MTO1: variants seen among roughly 807,000 people sequenced by gnomAD.
MTO1 encodes the protein 5-taurinomethyluridine-[tRNA] synthase subunit MTO1, mitochondrial.
MTO1 carries 46 observed loss-of-function variants against 71.6 expected under a neutral mutation model. The observed-to-expected ratio is 0.64, with a 90% CI of 0.51 to 0.82. MTO1 has a LOEUF of 0.82. Among genes scored for constraint, MTO1 ranks in the 40% least tolerant of loss-of-function variants. The pLI is 0.00. For synonymous variants in MTO1, 297 were observed against 312.1 expected (o/e 0.95, Z 0.51); for missense variants, 773 against 867.5 (o/e 0.89, Z 1.37).
chr6:73,478,970 C>G (rs1225340361), intron 4 of MTO1, among the ~76,000 whole-genome samples: 1 of 149,330 alleles, frequency 6.7e-6, no homozygotes, highest in Non-Finnish European at 1.5e-5. Flanking sequence ...CTCACTGCAA[C>G]CTCCGCCTCC....
intron 7 of MTO1, 67 bp downstream of exon 7, chr6:73,480,872 CT>C (rs1160182083): frequency 6.7e-7 from 1 of 1,492,370 alleles, no homozygotes; most frequent in African/African-American, 1.4e-5. Context: ...CTTTTAATGT[CT>C]GTTGTGTTAA....
intron 4 of MTO1, among the ~76,000 whole-genome samples, chr6:73,475,743 C>T (rs1270522949): frequency 6.6e-6 from 1 of 151,978 alleles, no homozygotes; most frequent in African/African-American, 2.4e-5. Flanking sequence ...AGCTCCCGAC[C>T]TCAGGTGATC....
At chr6:73,480,420 A>C in intron 6 of MTO1, 1 of 617,184 alleles carries the variant, frequency 1.6e-6, no homozygotes, top group Non-Finnish European at 3.0e-6. Context: ...ACAGGCATGC[A>C]TCACCATGCC....
chr6:73,464,063 T>C (rs1770905937), intron 1 of MTO1: 1 of 152,028 alleles, frequency 6.6e-6, no homozygotes, highest in African/African-American at 2.4e-5. Context: ...TTTTAAAAAA[T>C]AAAGACCTAG....
At chr6:73,463,167 G>C (rs534783656) in intron 1 of MTO1, among the ~76,000 whole-genome samples, 23 of 152,040 alleles carry the variant, frequency 1.5e-4, no homozygotes, top group African/African-American at 5.1e-4. Flanking sequence ...GGGATTACAG[G>C]CACCCACCAC....
At chr6:73,492,119 G>T in intron 9 of MTO1, 115 bp from the exon 10 acceptor site, 26 of 572,012 alleles carry the variant, frequency 4.5e-5, no homozygotes, top group Middle Eastern at 4.2e-4. Flanking sequence ...AAAAAAAAAA[G>T]AAATAATCTT....
intron 6 of MTO1, 70 bp downstream of exon 6, chr6:73,480,196 G>C (rs1771447792): frequency 1.4e-6 from 2 of 1,439,292 alleles, no homozygotes; most frequent in Non-Finnish European, 1.9e-6. Flanking sequence ...GGAGGCCTTA[G>C]CTACAGTCAT....
chr6:73,497,157 CTT>C (rs765385743), intron 10 of MTO1, among the ~76,000 whole-genome samples: 1 of 92,706 alleles, frequency 1.1e-5, no homozygotes, highest in Non-Finnish European at 2.0e-5. Flanking sequence ...GAAGCAAATT[CTT>C]TTTTTTTTTT....
intron 4 of MTO1, among the ~76,000 whole-genome samples, chr6:73,475,339 A>C (rs1290094856): frequency 6.6e-6 from 1 of 151,596 alleles, no homozygotes; most frequent in South Asian, 2.1e-4. Context: ...CTGTGGTGCA[A>C]TGGCACGATC....
At chr6:73,486,653 G>C (rs771818735) in intron 9 of MTO1, 4 of 420,868 alleles carry the variant, frequency 9.5e-6, no homozygotes, top group Non-Finnish European at 1.9e-5. Context: ...CAGGAGAATC[G>C]TTTGAACCTG....
At chr6:73,488,999 A>C (rs1456016288) in intron 9 of MTO1, among the ~76,000 whole-genome samples, 2 of 152,254 alleles carry the variant, frequency 1.3e-5, no homozygotes, top group African/African-American at 2.4e-5. Context: ...TTTTGGTGTC[A>C]GCCAAGAAAT....
intron 9 of MTO1, among the ~76,000 whole-genome samples, chr6:73,491,541 C>G (rs1019853441): frequency 2.6e-5 from 4 of 152,138 alleles, no homozygotes; most frequent in African/African-American, 7.2e-5. Context: ...AGCAGGAGAT[C>G]ACTGTCATGG....
At position 73,508,484 on chromosome 6, in the gene MTO1, A is replaced by G. The variant is rs1448472425; in HGVS notation, c.*7749A>G. 6.6e-6 allele frequency: 1 copy of G among 152,180 alleles called. No individual in the cohort carries two copies. Among genetic ancestry groups the G allele is most frequent in the Non-Finnish European group, 1.5e-5 (1 of 68,034 alleles). The allele number at this position is 152,180 out of a possible 1,614,324, so 9.4% of individuals were successfully genotyped here. ...TCTAGAATATACTGTATTTTGACAC[A>G]AGACCAGACTGTGCTATGTGTATGT... On this transcript the variant is annotated 3_prime_UTR_variant, in exon 12 of 12. Coordinates refer to ENST00000498286, the MANE Select transcript of MTO1 (RefSeq NM_012123.4).
chr6:73,482,222 T>G lies in MTO1; in HGVS notation c.1443T>G (p.Ala481=). The change falls in exon 8 of 12, where the codon GCT becomes GCG. Residue 481 remains alanine, a synonymous_variant. Coordinates refer to ENST00000498286, the MANE Select transcript of MTO1 (RefSeq NM_012123.4). ...EFRLSLRPDN[A]DSRLTLRGYK... is the part of the protein sequence containing the mutation. ...GTTTGTCACTGCGCCCTGATAATGC[T>G]GACAGCCGGCTCACACTGCGAGGTA... 2 of 1,614,134 alleles carry G rather than the reference T, an allele frequency of 1.2e-6. No individual in the cohort carries two copies. Among genetic ancestry groups the G allele is most frequent in the Non-Finnish European group, 1.7e-6 (2 of 1,180,020 alleles).
Position 73,461,779 on chromosome 6 carries a change from G to A in MTO1, c.-76G>A, listed in dbSNP as rs768102986. The A allele has an allele frequency of 6.0e-6, 9 of 1,489,420 alleles. No homozygotes were observed. The highest frequency in any genetic ancestry group is 4.6e-5 in the East Asian group (2 of 43,578). The allele number at this position is 1,489,420 out of a possible 1,614,324, so 92.3% of individuals were successfully genotyped here. ...TAAAGCAAGATGGCCGCGCCCTGCA[G>A]ATTGTCTCTTGTTGCGTAAGTTTTT... is the stretch of plus-strand genomic sequence containing the variant. On this transcript the variant is annotated 5_prime_UTR_variant, in exon 1 of 12. Transcript: ENST00000498286.
chr6:73,500,598 G>A lies in MTO1; in HGVS notation c.1942G>A (p.Gly648Arg), dbSNP rs370969806. ...QTIGAASRIPGVTPAAIINLL... is the reference protein window; with the variant it reads ...QTIGAASRIPRVTPAAIINLL... ...GATCGGGGCTGCTAGTCGCATACCCGGAGTAACACCTGCCGCCATCATCAA... is the reference window on the plus strand; with the variant it reads ...GATCGGGGCTGCTAGTCGCATACCCAGAGTAACACCTGCCGCCATCATCAA... Residue 648 changes from glycine to arginine, a missense_variant, in exon 12 of 12, where the codon GGA becomes AGA. Gly to Arg is a moderately radical substitution (Grantham distance 125, BLOSUM62 -2). Coordinates refer to ENST00000498286, the MANE Select transcript of MTO1 (RefSeq NM_012123.4). 4.9e-5 allele frequency: 79 copies of A among 1,613,208 alleles called. No individual in the cohort carries two copies. Among genetic ancestry groups the A allele is most frequent in the Admixed American group, 1.2e-4 (7 of 59,796 alleles).
Position 73,499,066 on chromosome 6 carries a change from C to G in MTO1, c.1917+1170C>G, listed in dbSNP as rs139304738. On this transcript the variant is annotated intron_variant, in intron 11 of 11. Coordinates refer to ENST00000498286, the MANE Select transcript of MTO1 (RefSeq NM_012123.4). Reference sequence around the variant, plus strand: ...TATCTCAAAAATTGATGGTGTGTCACAGTTTAATGGACATTTTTTTTTTAG... The same window carrying G: ...TATCTCAAAAATTGATGGTGTGTCAGAGTTTAATGGACATTTTTTTTTTAG... Among the ~76,000 whole-genome samples, 33 of 151,898 alleles carry G rather than the reference C, an allele frequency of 2.2e-4. 1 individual carries two copies. The East Asian group carries it at 6.4e-3, about 29-fold the overall frequency.
In MTO1 at chr6:73,500,871, G is replaced by A. The variant is rs960715043; in HGVS notation, c.*136G>A. 7.2e-6 allele frequency: 5 copies of A among 690,948 alleles called. No homozygotes were observed. The African/African-American group carries it at 7.5e-5, about 10-fold the overall frequency. The allele number at this position is 690,948 out of a possible 1,614,324, so 42.8% of individuals were successfully genotyped here. ...TGGGTTTGCCATTAATTTCTGAGTG[G>A]GACAGAAATTATAATTGTGCTTTTT... is the stretch of plus-strand genomic sequence containing the variant. On this transcript the variant is annotated 3_prime_UTR_variant, in exon 12 of 12. Coordinates refer to ENST00000498286, the MANE Select transcript of MTO1 (RefSeq NM_012123.4).
chr6:73,487,096 CTT>C (rs1771672895), intron 9 of MTO1, among the ~76,000 whole-genome samples: 1 of 151,904 alleles, frequency 6.6e-6, no homozygotes, highest in South Asian at 2.1e-4. Context: ...TTGATGGACA[CTT>C]GAGTTGCTTT....
Sources: allele counts gnomAD v4.1 joint callset (sites outside exome capture counted in the v4.1 genomes callset), GRCh38; gene constraint gnomAD v4.1.1; transcripts MANE v1.5; gene names NCBI Gene and HGNC (gene_info 2026-07-23, HGNC 2026-07-21).